The following ERBB4 variants were observed in gnomAD, a reference collection of about 807,000 sequenced individuals.
ERBB4 encodes erb-b2 receptor tyrosine kinase 4.
Under a neutral mutation model 158.0 loss-of-function variants are expected in ERBB4, and 42 were observed. The ratio of observed to expected loss-of-function variants is 0.27; its 90% CI spans 0.21 to 0.34. The LOEUF (loss-of-function observed/expected upper bound fraction) is 0.34. ERBB4 is among the 10% of genes least tolerant of loss of function. The probability of loss-of-function intolerance (pLI) is 1.00; values close to 1 mark genes in which losing one functional copy is unlikely to be tolerated. For missense variants in ERBB4, 1,333 were observed against 1,624.1 expected (o/e 0.82, Z 3.08); for synonymous variants, 583 against 558.7 (o/e 1.04, Z -0.61).
At chr2:211,767,044 C>G (rs1393228844) in intron 4 of ERBB4, among the ~76,000 whole-genome samples, 1 of 152,162 alleles carries the variant, frequency 6.6e-6, no homozygotes, top group Non-Finnish European at 1.5e-5. Flanking sequence ...AATGGGAAAC[C>G]TCTCCAGGGT....
At chr2:211,630,363 A>T in intron 17 of ERBB4, 99 bp downstream of exon 17, 1 of 1,401,924 alleles carries the variant, frequency 7.1e-7, no homozygotes, top group Non-Finnish European at 1.0e-6. Context: ...TAGGACACTG[A>T]ACAGAATTTT....
chr2:212,386,297 T>G (rs1036535972), intron 1 of ERBB4, among the ~76,000 whole-genome samples: 3 of 152,050 alleles, frequency 2.0e-5, no homozygotes, highest in African/African-American at 7.2e-5. Context: ...TATCTCTCCA[T>G]GATGTCTCAT....
In ERBB4 at chr2:212,093,957, G is replaced by C. The variant is rs533786115; in HGVS notation, c.234+30795C>G. Reference sequence around the variant, plus strand: ...AAGATAACCTTTCCTTCCAGTAAGAGACAATGAAAATAAATAAATAAATAA... The same window carrying C: ...AAGATAACCTTTCCTTCCAGTAAGACACAATGAAAATAAATAAATAAATAA... On this transcript the variant is annotated intron_variant, in intron 2 of 27. Transcript: ENST00000342788. 7.9e-5 allele frequency among the ~76,000 whole-genome samples: 12 copies of C among 152,062 alleles called. No individual in the cohort carries two copies. The South Asian group carries it at 2.5e-3, about 32-fold the overall frequency.
chr2:211,659,047 C>T (rs954085524), intron 15 of ERBB4, among the ~76,000 whole-genome samples: 2 of 151,938 alleles, frequency 1.3e-5, no homozygotes, highest in Non-Finnish European at 2.9e-5. Flanking sequence ...TTTGAAAAAG[C>T]AGCTTAAGAT....
At chr2:212,302,606 T>A (rs2086662985) in intron 1 of ERBB4, among the ~76,000 whole-genome samples, 1 of 151,494 alleles carries the variant, frequency 6.6e-6, no homozygotes, top group Non-Finnish European at 1.5e-5. Flanking sequence ...CCTTCTCTAT[T>A]TTTATTAGGG....
chr2:211,894,802 G>C (rs1306046508), intron 3 of ERBB4, among the ~76,000 whole-genome samples: 1 of 152,040 alleles, frequency 6.6e-6, no homozygotes, highest in African/African-American at 2.4e-5. Flanking sequence ...AAAAAGGAAG[G>C]GGAAAAGGTG....
intron 25 of ERBB4, among the ~76,000 whole-genome samples, chr2:211,412,486 C>G (rs892218259): frequency 6.6e-6 from 1 of 152,074 alleles, no homozygotes. Context: ...CTTCCTTTGT[C>G]TTTTTCCTAT....
chr2:211,428,453 T>C lies in ERBB4; in HGVS notation c.2674A>G (p.Ile892Val), dbSNP rs149713914. The change falls in exon 22 of 28, where the codon ATA becomes GTA. Residue 892 changes from isoleucine to valine, a missense_variant. Physicochemically the swap from Ile to Val is conservative, Grantham distance 29 (BLOSUM62 3). Coordinates refer to ENST00000342788, the MANE Select transcript of ERBB4 (RefSeq NM_005235.3). The stretch of plus-strand genomic sequence containing the variant: ...TGATGGGTGAATTTCCTGTAATGTA[T>C]ACACTCCAGAGCCATCCATTTAATT... ...MPIKWMALEC[I>V]HYRKFTHQSD... The C allele has an allele frequency of 7.3e-5, 116 of 1,587,748 alleles. No individual in the cohort carries two copies. Among genetic ancestry groups the C allele is most frequent in the Middle Eastern group, 3.3e-4 (2 of 5,994 alleles).
intron 3 of ERBB4, among the ~76,000 whole-genome samples, chr2:211,796,545 C>A (rs1010749688): frequency 1.3e-5 from 2 of 151,792 alleles, no homozygotes; most frequent in Non-Finnish European, 2.9e-5. Context: ...TATTTATATG[C>A]CCATTAGTAG....
At chr2:212,100,884 TTCTCA>T (rs2079063260) in intron 2 of ERBB4, among the ~76,000 whole-genome samples, 3 of 152,204 alleles carry the variant, frequency 2.0e-5, no homozygotes, top group African/African-American at 4.8e-5. Context: ...AAGGTTACTA[TTCTCA>T]AGAGATTCTG....
At chr2:211,456,389 T>C (rs2064381909) in intron 20 of ERBB4, among the ~76,000 whole-genome samples, 1 of 152,176 alleles carries the variant, frequency 6.6e-6, no homozygotes, top group Non-Finnish European at 1.5e-5. Flanking sequence ...GGCACTCAGA[T>C]ATACTTCTGA....
rs752540046 is a variant in ERBB4, at chr2:211,679,190, A to G, written c.1490-6T>C. 5.6e-6 allele frequency: 9 copies of G among 1,613,634 alleles called. No individual in the cohort carries two copies. Among genetic ancestry groups the G allele is most frequent in the Non-Finnish European group, 7.6e-6 (9 of 1,179,708 alleles). On this transcript the variant is annotated splice_polypyrimidine_tract_variant and splice_region_variant and intron_variant, in intron 12 of 27. Transcript: ENST00000342788. ...GCACACCATTCCTTCAGCAGCTGTG[A>G]AACACCAAAATCAAGGGGAAATAAA...
At chr2:211,938,582 CCT>C (rs1249249082) in intron 3 of ERBB4, among the ~76,000 whole-genome samples, 1 of 152,106 alleles carries the variant, frequency 6.6e-6, no homozygotes, top group Non-Finnish European at 1.5e-5. Context: ...GCTACTGGCT[CCT>C]CTGTTGTGTG....
chr2:211,698,251 G>A (rs2073097218), intron 12 of ERBB4, among the ~76,000 whole-genome samples: 1 of 150,104 alleles, frequency 6.7e-6, no homozygotes, highest in African/African-American at 2.5e-5. Flanking sequence ...GGCAGAGGTT[G>A]TCGTGGGCCA....
intron 3 of ERBB4, among the ~76,000 whole-genome samples, chr2:211,789,505 T>A (rs1263907917): frequency 6.6e-6 from 1 of 152,140 alleles, no homozygotes; most frequent in Non-Finnish European, 1.5e-5. Flanking sequence ...AAGCTGTGAC[T>A]TTTTATTTGA....
chr2:212,061,495 A>G (rs1331145709), intron 2 of ERBB4, among the ~76,000 whole-genome samples: 1 of 146,912 alleles, frequency 6.8e-6, no homozygotes, highest in Non-Finnish European at 1.5e-5. Flanking sequence ...CTTCCAGGAG[A>G]CAACAATTTG....
intron 1 of ERBB4, among the ~76,000 whole-genome samples, chr2:212,176,132 T>G (rs1051352161): frequency 2.0e-5 from 3 of 152,030 alleles, no homozygotes; most frequent in Admixed American, 2.0e-4. Flanking sequence ...TGATCTAGTC[T>G]TTGATTATAG....
intron 2 of ERBB4, among the ~76,000 whole-genome samples, chr2:212,112,274 T>C (rs573106316): frequency 3.0e-4 from 45 of 152,048 alleles, no homozygotes; most frequent in Non-Finnish European, 5.3e-4. Flanking sequence ...CTTTTGACTA[T>C]AAAACCTGAA....
intron 3 of ERBB4, among the ~76,000 whole-genome samples, chr2:211,940,034 T>A (rs1403090769): frequency 6.6e-6 from 1 of 151,368 alleles, no homozygotes; most frequent in Non-Finnish European, 1.5e-5. Context: ...TGGTTTATTC[T>A]TAAATATTAT....
Sources: allele counts gnomAD v4.1 joint callset (sites outside exome capture counted in the v4.1 genomes callset), GRCh38; gene constraint gnomAD v4.1.1; transcripts MANE v1.5; gene names NCBI Gene and HGNC (gene_info 2026-07-23, HGNC 2026-07-21).